ZNF326: variants seen among roughly 807,000 people sequenced by gnomAD.
ZNF326 encodes zinc finger protein 326.
ZNF326 carries 30 observed loss-of-function variants against 63.1 expected under a neutral mutation model. The ratio of observed to expected loss-of-function variants is 0.48; its 90% CI spans 0.36 to 0.64. ZNF326 has a LOEUF of 0.64. ZNF326 is among the 30% of genes least tolerant of loss of function. The pLI, the probability that ZNF326 is intolerant of heterozygous loss-of-function variation, is 0.00. For synonymous variants in ZNF326, 194 were observed against 228.2 expected, an observed-to-expected ratio of 0.85 and a Z score of 1.35; for missense variants, 609 against 720.3, an observed-to-expected ratio of 0.85 and a Z score of 1.77.
At chr1:90,025,584 G>T (rs1649980450) in intron 11 of ZNF326, among the ~76,000 whole-genome samples, 1 of 152,130 alleles carries the variant, frequency 6.6e-6, no homozygotes, top group Non-Finnish European at 1.5e-5. Flanking sequence ...AAAATCTCAG[G>T]GTGCTGGAAT....
chr1:89,996,289 AAGT>A (rs1312227933), intron 1 of ZNF326, among the ~76,000 whole-genome samples: 2 of 152,224 alleles, frequency 1.3e-5, no homozygotes, highest in African/African-American at 4.8e-5. Context: ...CCAGTTCACT[AAGT>A]AGGCTGTAAA....
chr1:90,018,792 T>C lies in ZNF326; in HGVS notation c.1174+8T>C, dbSNP rs1649622255. ...AAAAAGATGTTATGGAAGGTAAGTA[T>C]TTAAAACAAATTATTTTAAAATTCT... On this transcript the variant is annotated splice_region_variant and intron_variant, in intron 9 of 11. Transcript: ENST00000340281. The C allele has an allele frequency of 6.8e-7, 1 of 1,460,374 alleles. No individual in the cohort carries two copies. Among genetic ancestry groups the C allele is most frequent in the Non-Finnish European group, 9.3e-7 (1 of 1,069,590 alleles). The allele number at this position is 1,460,374 out of a possible 1,614,324, so 90.5% of individuals were successfully genotyped here.
At chr1:90,016,185 A>G (rs1264037401) in intron 7 of ZNF326, among the ~76,000 whole-genome samples, 2 of 151,996 alleles carry the variant, frequency 1.3e-5, no homozygotes, top group Non-Finnish European at 2.9e-5. Context: ...CACCTCTGTG[A>G]GCGTTCTCAT....
At position 90,007,660 on chromosome 1, in the gene ZNF326, A is replaced by G. The variant is rs1649050362; in HGVS notation, c.525A>G (p.Arg175=). The change falls in exon 5 of 12, where the codon AGA becomes AGG. Residue 175 remains arginine, a synonymous_variant. Transcript: ENST00000340281. This position sits in a 1 kb window ranked among gnomAD's most constrained non-coding sequence, Gnocchi z 4.9. ...MKPAPVGSRG[R]GTPAYPESTF... The stretch of plus-strand genomic sequence containing the variant: ...CTGCACCTGTAGGCTCTCGGGGGAG[A>G]GGAACGCCTGCTTATCCTGAAAGTA... 1 of 1,531,992 alleles carries G rather than the reference A, an allele frequency of 6.5e-7. No homozygotes were observed. The highest frequency in any genetic ancestry group is 1.4e-5 in the African/African-American group (1 of 71,902). The allele number at this position is 1,531,992 out of a possible 1,614,324, so 94.9% of individuals were successfully genotyped here. A position where few individuals can be genotyped will look rare whatever the true frequency, so the allele number is the denominator to read the frequency against.
At chr1:90,024,623 T>C (rs1227535083) in intron 11 of ZNF326, among the ~76,000 whole-genome samples, 1 of 152,030 alleles carries the variant, frequency 6.6e-6, no homozygotes, top group African/African-American at 2.4e-5. Flanking sequence ...TTCTTATATA[T>C]ATATATTTTA....
In ZNF326 at chr1:90,033,901, A is replaced by G. The variant is rs537008840; in HGVS notation, c.*6200A>G. ...TATGTATGTATGTTACAGTATAAAT[A>G]TATAGAGGAGTTCCAGAAAGTGAAA... On this transcript the variant is annotated 3_prime_UTR_variant, in exon 12 of 12. Transcript: ENST00000340281. 6.6e-6 allele frequency: 1 copy of G among 152,076 alleles called. No homozygotes were observed. Among genetic ancestry groups the G allele is most frequent in the East Asian group, 1.9e-4 (1 of 5,192 alleles). 9.4% of individuals were successfully genotyped at this position (152,076 alleles called of 1,614,324 possible). A position where few individuals can be genotyped will look rare whatever the true frequency, so the allele number is the denominator to read the frequency against.
At chr1:90,004,029 T>C (rs1648832627) in intron 2 of ZNF326, among the ~76,000 whole-genome samples, 1 of 152,190 alleles carries the variant, frequency 6.6e-6, no homozygotes, top group African/African-American at 2.4e-5. Context: ...TAAAGGACTT[T>C]ATAGAAAACA....
chr1:90,029,788 T>A lies in ZNF326; in HGVS notation c.*2087T>A, dbSNP rs1184027266. On this transcript the variant is annotated 3_prime_UTR_variant, in exon 12 of 12. Coordinates refer to ENST00000340281, the MANE Select transcript of ZNF326 (RefSeq NM_182976.4). ...GGGACGCATGAGCCTTTATACAGCC[T>A]AGCTAATTTGCAAGGTAATGATAAA... 1 of 134,090 alleles carries A rather than the reference T, an allele frequency of 7.5e-6. No individual in the cohort carries two copies. The highest frequency in any genetic ancestry group is 2.5e-4 in the East Asian group (1 of 3,962). 8.3% of individuals were successfully genotyped at this position (134,090 alleles called of 1,614,324 possible).
At chr1:90,008,394 A>G (rs1437093694) in intron 5 of ZNF326, among the ~76,000 whole-genome samples, 1 of 152,198 alleles carries the variant, frequency 6.6e-6, no homozygotes, top group African/African-American at 2.4e-5. Context: ...TACTCTTGAG[A>G]AATAATTTCC....
rs1557539494 is a variant in ZNF326 at position 90,034,506 on chromosome 1, A to T, written c.*6805A>T. 6.6e-6 allele frequency: 1 copy of T among 152,194 alleles called. No individual in the cohort carries two copies. Among genetic ancestry groups the T allele is most frequent in the Non-Finnish European group, 1.5e-5 (1 of 68,006 alleles). The allele number at this position is 152,194 out of a possible 1,614,324, so 9.4% of individuals were successfully genotyped here. On this transcript the variant is annotated 3_prime_UTR_variant, in exon 12 of 12. Coordinates refer to ENST00000340281, the MANE Select transcript of ZNF326 (RefSeq NM_182976.4). ...AATATTTGTTTTCAAATGCCATGAA[A>T]AAATGACCATGAAGCAAAAACCACA... is the stretch of plus-strand genomic sequence containing the variant.
In ZNF326 at chr1:90,031,055, A is replaced by T. The variant is rs928895677; in HGVS notation, c.*3354A>T. On this transcript the variant is annotated 3_prime_UTR_variant, in exon 12 of 12. Transcript: ENST00000340281. ...AGGACATTCATAGGGCCCTCATACA[A>T]ATTTCTGGTGCCTGTAACTCTTCCC... 7 of 152,100 alleles carry T rather than the reference A, an allele frequency of 4.6e-5. No homozygotes were observed. Among genetic ancestry groups the T allele is most frequent in the Admixed American group, 3.3e-4 (5 of 15,272 alleles). 9.4% of individuals were successfully genotyped at this position (152,100 alleles called of 1,614,324 possible). A position where few individuals can be genotyped will look rare whatever the true frequency, so the allele number is the denominator to read the frequency against.
Position 90,018,729 on chromosome 1 carries a change from A to G in ZNF326, c.1119A>G (p.Gln373=). The G allele has an allele frequency of 6.3e-7, 1 of 1,583,196 alleles. No individual in the cohort carries two copies. The highest frequency in any genetic ancestry group is 8.6e-7 in the Non-Finnish European group (1 of 1,163,884). ...TCAAGAAAACATCTATTCGTAAGCA[A>G]CAGACAAATAATCAAACAGAAGTAG... ...NKFKKTSIRK[Q]QTNNQTEVVK... is the part of the protein sequence containing the mutation. Residue 373 remains glutamine, a synonymous_variant, in exon 9 of 12, where the codon CAA becomes CAG. Coordinates refer to ENST00000340281, the MANE Select transcript of ZNF326 (RefSeq NM_182976.4).
intron 10 of ZNF326, 29 bp from the exon 11 acceptor site, chr1:90,022,221 G>T: frequency 6.7e-7 from 1 of 1,486,156 alleles, no homozygotes; most frequent in South Asian, 1.2e-5. Flanking sequence ...TGGTTTTCAA[G>T]AACCCTCAGT....
intron 4 of ZNF326, chr1:90,006,263 CA>C (rs1648981469): frequency 2.0e-6 from 2 of 983,036 alleles, no homozygotes; most frequent in Middle Eastern, 5.2e-4. Flanking sequence ...TACTAGGATT[CA>C]GAAGTAAATC....
At chr1:90,010,320 A>G in intron 6 of ZNF326, 34 bp downstream of exon 6, 1 of 1,584,340 alleles carries the variant, frequency 6.3e-7, no homozygotes, top group Non-Finnish European at 8.6e-7. Flanking sequence ...ATGATTCAGG[A>G]TACTTTTTAT....
In ZNF326 at chr1:90,032,115, C is replaced by T. The variant is rs907606418; in HGVS notation, c.*4414C>T. Reference sequence around the variant, plus strand: ...AGTAGGTCCTGCCACCATTTGAGGCCTCCTCGGAGACAGCCATACTAGTCT... The same window carrying T: ...AGTAGGTCCTGCCACCATTTGAGGCTTCCTCGGAGACAGCCATACTAGTCT... On this transcript the variant is annotated 3_prime_UTR_variant, in exon 12 of 12. Coordinates refer to ENST00000340281, the MANE Select transcript of ZNF326 (RefSeq NM_182976.4). 6.6e-6 allele frequency: 1 copy of T among 152,194 alleles called. No individual in the cohort carries two copies. Among genetic ancestry groups the T allele is most frequent in the African/African-American group, 2.4e-5 (1 of 41,440 alleles). 9.4% of individuals were successfully genotyped at this position (152,194 alleles called of 1,614,324 possible).
Position 90,017,299 on chromosome 1 carries a change from CTTTTT to C in ZNF326, c.927-14_927-10del, listed in dbSNP as rs544630103. 1.3e-6 allele frequency: 2 copies of C among 1,543,546 alleles called. No homozygotes were observed. The highest frequency in any genetic ancestry group is 1.7e-6 in the Non-Finnish European group (2 of 1,146,892). The stretch of plus-strand genomic sequence containing the variant: ...GAATAAAGTAATATTTAAAGGAAAA[CTTTTT>C]TTTCTCTTACAGAATGGCATTTACA... On this transcript the variant is annotated splice_polypyrimidine_tract_variant and intron_variant, in intron 7 of 11. Coordinates refer to ENST00000340281, the MANE Select transcript of ZNF326 (RefSeq NM_182976.4).
intron 8 of ZNF326, among the ~76,000 whole-genome samples, chr1:90,018,070 G>C (rs1414503567): frequency 1.3e-5 from 2 of 152,146 alleles, no homozygotes; most frequent in Admixed American, 6.5e-5. Context: ...GAAGCGGGTG[G>C]ATCACGAGGT....
At position 90,005,251 on chromosome 1, in the gene ZNF326, T is replaced by A. The variant is rs1391393797; in HGVS notation, c.209+7T>A. On this transcript the variant is annotated splice_region_variant and intron_variant, in intron 4 of 11. Coordinates refer to ENST00000340281, the MANE Select transcript of ZNF326 (RefSeq NM_182976.4). ...GTGGTGGTGGGGGTAGCAGGTAAAT[T>A]GCTTAATCATTTGGCCAAATAATTA... The A allele has an allele frequency of 1.9e-6, 3 of 1,606,264 alleles. No individual in the cohort carries two copies. The African/African-American group carries it at 4.0e-5, about 22-fold the overall frequency.
Sources: gnomAD v4.1 joint callset for allele counts (sites outside exome capture counted in the v4.1 genomes callset) on GRCh38, gnomAD v4.1.1 for gene constraint, Gnocchi (gnomAD v3.1) non-coding constraint, MANE v1.5 for transcripts, NCBI Gene and HGNC (gene_info 2026-07-23, HGNC 2026-07-21) for gene names.